Variants in GBE1 observed in about 807,000 individuals in gnomAD.
The protein encoded by GBE1 is 1,4-alpha-glucan branching enzyme 1.
Under a neutral mutation model 88.8 loss-of-function variants are expected in GBE1, and 70 were observed. That is an observed-to-expected ratio of 0.79 (90% CI 0.65 to 0.96). The LOEUF is 0.96. Among genes scored for constraint, GBE1 ranks in the 40% least tolerant of loss-of-function variants. GBE1 has a pLI of 0.00. For synonymous variants in GBE1, 284 were observed against 300.1 expected (o/e 0.95, Z 0.56); for missense variants, 872 against 871.0 (o/e 1.00, Z -0.01).
chr3:81,646,528 A>C, intron 5 of GBE1, 46 bp from the exon 6 acceptor site: 1 of 1,059,686 alleles, frequency 9.4e-7, no homozygotes, highest in Non-Finnish European at 1.4e-6. Context: ...CACATTTAAA[A>C]AAAAAGTAAT....
intron 12 of GBE1, among the ~76,000 whole-genome samples, chr3:81,573,252 C>A (rs1703598625): frequency 6.6e-6 from 1 of 152,022 alleles, no homozygotes; most frequent in Admixed American, 6.6e-5. Flanking sequence ...CAGTTTTTTT[C>A]ATTTATTCAA....
At chr3:81,686,880 A>C (rs1576199759) in intron 2 of GBE1, among the ~76,000 whole-genome samples, 1 of 152,344 alleles carries the variant, frequency 6.6e-6, no homozygotes, top group East Asian at 1.9e-4. Context: ...ATTTATATGC[A>C]TATGCATGTG....
At chr3:81,513,553 ATTG>A (rs1702753300) in intron 14 of GBE1, among the ~76,000 whole-genome samples, 1 of 151,406 alleles carries the variant, frequency 6.6e-6, no homozygotes, top group African/African-American at 2.4e-5. Flanking sequence ...AAAGGTGTTT[ATTG>A]TTTTGTTCCC....
intron 7 of GBE1, among the ~76,000 whole-genome samples, chr3:81,641,774 C>T (rs1056013485): frequency 6.6e-6 from 1 of 151,590 alleles, no homozygotes; most frequent in East Asian, 1.9e-4. Context: ...AAAAATGAGA[C>T]CTCTTCATTT....
intron 12 of GBE1, among the ~76,000 whole-genome samples, chr3:81,558,335 C>T (rs1492886): frequency 6.6e-6 from 1 of 151,720 alleles, no homozygotes; most frequent in South Asian, 2.1e-4. Flanking sequence ...CTAAAAAAGA[C>T]GACATTTACT....
intron 12 of GBE1, among the ~76,000 whole-genome samples, chr3:81,537,589 C>A (rs1703094510): frequency 6.6e-6 from 1 of 151,964 alleles, no homozygotes. Flanking sequence ...AAGAGACTTG[C>A]CCAACTTCAC....
At chr3:81,564,181 T>C (rs907311728) in intron 12 of GBE1, among the ~76,000 whole-genome samples, 1 of 152,236 alleles carries the variant, frequency 6.6e-6, no homozygotes, top group East Asian at 1.9e-4. Flanking sequence ...CATTTCTCCA[T>C]GTGAGGATAC....
chr3:81,560,135 AT>A (rs1703397724), intron 12 of GBE1, among the ~76,000 whole-genome samples: 1 of 152,016 alleles, frequency 6.6e-6, no homozygotes, highest in African/African-American at 2.4e-5. Flanking sequence ...ACACATAATA[AT>A]TAAGTTCTCA....
chr3:81,716,143 T>A (rs984467236), intron 1 of GBE1, among the ~76,000 whole-genome samples: 25 of 152,166 alleles, frequency 1.6e-4, no homozygotes, highest in African/African-American at 5.8e-4. Context: ...AAAAAATTGT[T>A]AGTGTCTTAT....
At chr3:81,727,984 AATTAT>A (rs1255958511) in intron 1 of GBE1, among the ~76,000 whole-genome samples, 1 of 152,090 alleles carries the variant, frequency 6.6e-6, no homozygotes, top group Non-Finnish European at 1.5e-5. Flanking sequence ...CAAATTATAT[AATTAT>A]ATAGAATTAT....
intron 2 of GBE1, among the ~76,000 whole-genome samples, chr3:81,701,112 T>C (rs942359308): frequency 7.2e-5 from 11 of 152,188 alleles, no homozygotes; most frequent in African/African-American, 1.9e-4. Context: ...CTTTGCTGTA[T>C]TGCAGATGAT....
At chr3:81,615,042 G>T (rs1317675175) in intron 7 of GBE1, among the ~76,000 whole-genome samples, 3 of 151,502 alleles carry the variant, frequency 2.0e-5, no homozygotes, top group African/African-American at 7.3e-5. Context: ...AAAAAGTTTT[G>T]TATTGTTTTA....
intron 7 of GBE1, among the ~76,000 whole-genome samples, chr3:81,620,428 C>CG (rs1704311233): frequency 6.6e-6 from 1 of 151,886 alleles, no homozygotes. Flanking sequence ...GTAATCCGCC[C>CG]GCCTCGGCCT....
chr3:81,522,393 G>A lies in GBE1; in HGVS notation c.1934+12802C>T, dbSNP rs145566692. Among the ~76,000 whole-genome samples the A allele has an allele frequency of 1.5e-3, 228 of 151,576 alleles. 2 individuals are homozygous for A. The highest frequency in any genetic ancestry group is 5.3e-3 in the African/African-American group (220 of 41,456). ...TAAGAAATTTCTAGATGGGACTTCT[G>A]CACTGAACTGGGAGGGTGGAGCAGA... On this transcript the variant is annotated intron_variant, in intron 14 of 15. Coordinates refer to ENST00000429644, the MANE Select transcript of GBE1 (RefSeq NM_000158.4).
intron 7 of GBE1, among the ~76,000 whole-genome samples, chr3:81,639,760 TAGG>T (rs1704644747): frequency 1.3e-5 from 2 of 152,072 alleles, no homozygotes; most frequent in South Asian, 4.1e-4. Flanking sequence ...TGGAGTGGGC[TAGG>T]AGGAGGGGAT....
At chr3:81,713,004 G>A (rs1335861336) in intron 1 of GBE1, among the ~76,000 whole-genome samples, 6 of 151,970 alleles carry the variant, frequency 3.9e-5, no homozygotes, top group South Asian at 2.1e-4. Context: ...GCAATTATTC[G>A]ACAAAAATAC....
intron 13 of GBE1, 129 bp downstream of exon 13, chr3:81,536,782 G>T: frequency 1.5e-6 from 1 of 645,588 alleles, no homozygotes; most frequent in South Asian, 2.4e-5. Flanking sequence ...CTGAAGTATG[G>T]TACAGGACAC....
At chr3:81,548,277 C>T (rs1703233596) in intron 12 of GBE1, among the ~76,000 whole-genome samples, 1 of 151,384 alleles carries the variant, frequency 6.6e-6, no homozygotes, top group Non-Finnish European at 1.5e-5. Flanking sequence ...AGTATCTCAC[C>T]TTATGGTCAA....
chr3:81,713,127 C>T (rs1705893215), intron 1 of GBE1, among the ~76,000 whole-genome samples: 1 of 152,194 alleles, frequency 6.6e-6, no homozygotes, highest in Non-Finnish European at 1.5e-5. Flanking sequence ...CAATGTCCAA[C>T]TCATGACAGG....
Sources: gnomAD v4.1 joint callset for allele counts (sites outside exome capture counted in the v4.1 genomes callset) on GRCh38, gnomAD v4.1.1 for gene constraint, MANE v1.5 for transcripts, NCBI Gene and HGNC (gene_info 2026-07-23, HGNC 2026-07-21) for gene names.